EGFR: variants seen among roughly 807,000 people sequenced by gnomAD.
EGFR encodes the protein epidermal growth factor receptor, also known as avian erythroblastic leukemia viral (v-erb-b) oncogene homolog.
A neutral mutation model predicts 143.0 loss-of-function variants in EGFR; 58 were observed. The ratio of observed to expected loss-of-function variants is 0.41; its 90% confidence interval spans 0.33 to 0.50. The LOEUF is 0.50. EGFR is among the 20% of genes least tolerant of loss of function. The pLI is 0.39. For synonymous variants in EGFR, 613 were observed against 594.4 expected (o/e 1.03, Z -0.45); for missense variants, 1,307 against 1,579.0 (o/e 0.83, Z 2.92).
intron 1 of EGFR, among the ~76,000 whole-genome samples, chr7:55,105,834 A>C (rs1372589199): frequency 1.3e-5 from 2 of 152,230 alleles, no homozygotes; most frequent in African/African-American, 4.8e-5. Flanking sequence ...GTTAAAAAAA[A>C]CACATCTGTT....
chr7:55,181,592 G>A lies in EGFR; in HGVS notation c.2469+114G>A, dbSNP rs1786883354. ...CATGGGGATATGTGTGTGCGTGCAT[G>A]CAGCACACACACATTCCTTTATTTT... is the stretch of plus-strand genomic sequence containing the variant. On this transcript the variant is annotated intron_variant, in intron 20 of 27. Transcript: ENST00000275493. 4.9e-6 allele frequency: 6 copies of A among 1,218,860 alleles called. No homozygotes were observed. The South Asian group carries it at 7.5e-5, about 15-fold the overall frequency. The allele number at this position is 1,218,860 out of a possible 1,614,324, so 75.5% of individuals were successfully genotyped here. A position where few individuals can be genotyped will look rare whatever the true frequency, so the allele number is the denominator to read the frequency against.
intron 2 of EGFR, among the ~76,000 whole-genome samples, 175 bp from the exon 3 acceptor site, chr7:55,143,130 G>A (rs1278499123): frequency 6.6e-6 from 1 of 152,186 alleles, no homozygotes; most frequent in Admixed American, 6.5e-5. Context: ...TGCAGATCGT[G>A]GACATGCTGC....
At position 55,088,833 on chromosome 7, in the gene EGFR, C is replaced by A. The variant is rs144575906; in HGVS notation, c.89-53453C>A. On this transcript the variant is annotated intron_variant, in intron 1 of 27. Coordinates refer to ENST00000275493, the MANE Select transcript of EGFR (RefSeq NM_005228.5). ...CATCAAGTTCTGGAGACTGGCCATC[C>A]AGCCTCCCTGCCTCATCTCCCACGC... 1.4e-3 allele frequency among the ~76,000 whole-genome samples: 220 copies of A among 152,338 alleles called. 1 individual carries two copies. The highest frequency in any genetic ancestry group is 2.4e-3 in the Non-Finnish European group (164 of 68,028).
At chr7:55,135,591 T>C (rs1321179722) in intron 1 of EGFR, among the ~76,000 whole-genome samples, 2 of 152,190 alleles carry the variant, frequency 1.3e-5, no homozygotes, top group African/African-American at 2.4e-5. Flanking sequence ...TATGACTTTT[T>C]CCATCCCACA....
At chr7:55,182,763 G>A (rs17290503) in intron 20 of EGFR, among the ~76,000 whole-genome samples, 1,646 of 152,246 alleles carry the variant, frequency 0.011, 34 homozygotes, top group African/African-American at 0.038. Flanking sequence ...ATGCTTCTCT[G>A]AGCACAAAAA....
At chr7:55,072,052 C>T (rs969674557) in intron 1 of EGFR, among the ~76,000 whole-genome samples, 2 of 151,456 alleles carry the variant, frequency 1.3e-5, no homozygotes, top group Admixed American at 6.6e-5. Flanking sequence ...GTCAGTGCAG[C>T]GTCCACTGTG....
At chr7:55,020,739 C>T (rs541578801) in intron 1 of EGFR, among the ~76,000 whole-genome samples, 2 of 152,022 alleles carry the variant, frequency 1.3e-5, no homozygotes, top group Non-Finnish European at 2.9e-5. Flanking sequence ...TTGAGCTGCG[C>T]GGGTTCCAAG....
At chr7:55,054,544 G>T (rs886921105) in intron 1 of EGFR, among the ~76,000 whole-genome samples, 3 of 152,212 alleles carry the variant, frequency 2.0e-5, no homozygotes, top group Admixed American at 6.5e-5. Context: ...AGAGGGGAAC[G>T]CTCCCTCGTC....
intron 1 of EGFR, among the ~76,000 whole-genome samples, chr7:55,020,325 C>G (rs367676530): frequency 1.3e-5 from 2 of 152,208 alleles, no homozygotes; most frequent in Non-Finnish European, 2.9e-5. Flanking sequence ...TGCAGCCCTT[C>G]GGTCGCGCCT....
At chr7:55,155,058 G>A (rs1267772899) in intron 7 of EGFR, among the ~76,000 whole-genome samples, 1 of 152,226 alleles carries the variant, frequency 6.6e-6, no homozygotes, top group African/African-American at 2.4e-5. Flanking sequence ...AACACTTCGA[G>A]CCTGAGATAC....
At chr7:55,144,751 G>T (rs1244858151) in intron 3 of EGFR, among the ~76,000 whole-genome samples, 1 of 152,170 alleles carries the variant, frequency 6.6e-6, no homozygotes, top group Non-Finnish European at 1.5e-5. Flanking sequence ...GAGGGAGGCA[G>T]CCTGTGCGGG....
intron 1 of EGFR, among the ~76,000 whole-genome samples, chr7:55,065,463 C>T (rs1012515643): frequency 2.6e-5 from 4 of 152,148 alleles, no homozygotes; most frequent in African/African-American, 9.7e-5. Flanking sequence ...ACATTTGTGT[C>T]TTTAAAAAGA....
chr7:55,026,763 CTAAAACCAATATATACTCCTAGTCTG>C (rs1786912181), intron 1 of EGFR, among the ~76,000 whole-genome samples: 1 of 152,134 alleles, frequency 6.6e-6, no homozygotes, highest in African/African-American at 2.4e-5. Flanking sequence ...CTCCCTCACC[CTAAAACCAATATATACTCCTAGTCTG>C]TAAGAGAAAG....
intron 1 of EGFR, among the ~76,000 whole-genome samples, chr7:55,109,357 C>G (rs1179885934): frequency 2.0e-5 from 3 of 152,212 alleles, no homozygotes; most frequent in Non-Finnish European, 4.4e-5. Context: ...TAAGGACTAT[C>G]TACAGCAATG....
chr7:55,133,937 T>C (rs138893374), intron 1 of EGFR, among the ~76,000 whole-genome samples: 4 of 152,254 alleles, frequency 2.6e-5, no homozygotes, highest in Non-Finnish European at 4.4e-5. Context: ...CCCCTGAACA[T>C]GAGTAAGCAA....
chr7:55,128,256 G>A (rs754995345), intron 1 of EGFR, among the ~76,000 whole-genome samples: 6 of 152,176 alleles, frequency 3.9e-5, no homozygotes, highest in Admixed American at 6.5e-5. Context: ...TCCCTTTGCG[G>A]TTCATTTCTA....
At chr7:55,029,361 G>A (rs190399418) in intron 1 of EGFR, among the ~76,000 whole-genome samples, 13 of 152,098 alleles carry the variant, frequency 8.5e-5, no homozygotes, top group African/African-American at 3.1e-4. Context: ...TTATGAGTGA[G>A]AATAGTGTAT....
At chr7:55,109,134 C>T (rs540586506) in intron 1 of EGFR, among the ~76,000 whole-genome samples, 6 of 152,104 alleles carry the variant, frequency 3.9e-5, no homozygotes, top group Non-Finnish European at 7.4e-5. Flanking sequence ...CCTCCTTAGG[C>T]AAATAAATTC....
intron 19 of EGFR, among the ~76,000 whole-genome samples, chr7:55,176,441 C>G (rs1180453981): frequency 1.3e-5 from 2 of 152,188 alleles, no homozygotes; most frequent in Non-Finnish European, 2.9e-5. Context: ...GTCCATGGGC[C>G]TGGCATGGTG....
Sources: gnomAD v4.1 joint callset for allele counts (sites outside exome capture counted in the v4.1 genomes callset) on GRCh38, gnomAD v4.1.1 for gene constraint, MANE v1.5 for transcripts, NCBI Gene and HGNC (gene_info 2026-07-23, HGNC 2026-07-21) for gene names.